LRP1B: variants seen among roughly 807,000 people sequenced by gnomAD.
LRP1B encodes low-density lipoprotein receptor-related protein 1B.
In LRP1B, 217 loss-of-function variants were observed where a neutral mutation model predicts 556.6. The ratio of observed to expected loss-of-function variants is 0.39; its 90% confidence interval spans 0.35 to 0.44. The LOEUF (loss-of-function observed/expected upper bound fraction) is 0.44, where lower values mean the gene tolerates loss of function less well. Among genes scored for constraint, LRP1B ranks in the 20% least tolerant of loss-of-function variants. The probability of loss-of-function intolerance (pLI) is 1.00; values close to 1 mark genes in which losing one functional copy is unlikely to be tolerated. For synonymous variants in LRP1B, 2,047 were observed against 1,865.8 expected (o/e 1.10, Z -2.50); for missense variants, 5,053 against 5,620.8 (o/e 0.90, Z 3.23).
chr2:141,420,709 G>A (rs1680103587), intron 3 of LRP1B, among the ~76,000 whole-genome samples: 1 of 152,150 alleles, frequency 6.6e-6, no homozygotes, highest in Admixed American at 6.5e-5. Flanking sequence ...CCTTCTAAAG[G>A]AGAATTCTCA....
chr2:141,757,821 G>GCCACTA (rs1225855718), intron 2 of LRP1B, among the ~76,000 whole-genome samples: 1 of 152,144 alleles, frequency 6.6e-6, no homozygotes, highest in African/African-American at 2.4e-5. Context: ...ACTGGTGTGA[G>GCCACTA]CCACTACACC....
At chr2:140,755,463 A>C (rs536414970) in intron 35 of LRP1B, among the ~76,000 whole-genome samples, 1 of 152,036 alleles carries the variant, frequency 6.6e-6, no homozygotes, top group Non-Finnish European at 1.5e-5. Context: ...CAGAAGTATC[A>C]CCATGACCAG....
chr2:140,574,954 TAAATA>T (rs1184732012), intron 43 of LRP1B, among the ~76,000 whole-genome samples: 1 of 152,226 alleles, frequency 6.6e-6, no homozygotes, highest in East Asian at 1.9e-4. Context: ...CCCTTGCACA[TAAATA>T]AAATAGAAGC....
At chr2:140,958,433 A>C (rs1182799474) in intron 18 of LRP1B, among the ~76,000 whole-genome samples, 1 of 151,712 alleles carries the variant, frequency 6.6e-6, no homozygotes, top group Non-Finnish European at 1.5e-5. Flanking sequence ...CGCATGAACA[A>C]GTTAAATTAC....
intron 54 of LRP1B, among the ~76,000 whole-genome samples, chr2:140,502,473 G>T (rs1174297494): frequency 6.6e-6 from 1 of 151,836 alleles, no homozygotes; most frequent in African/African-American, 2.4e-5. Flanking sequence ...AATTATTTGA[G>T]TATATTCTGT....
chr2:141,311,539 C>T (rs1208774396), intron 3 of LRP1B, among the ~76,000 whole-genome samples: 2 of 152,078 alleles, frequency 1.3e-5, no homozygotes, highest in Non-Finnish European at 2.9e-5. Context: ...TAATCATATG[C>T]AATTAGACCT....
intron 2 of LRP1B, among the ~76,000 whole-genome samples, chr2:141,613,262 A>G (rs533547480): frequency 6.6e-6 from 1 of 152,162 alleles, no homozygotes; most frequent in African/African-American, 2.4e-5. Flanking sequence ...GGAGCACACT[A>G]TAGCTGTTTT....
intron 7 of LRP1B, among the ~76,000 whole-genome samples, chr2:141,164,409 A>G (rs961178396): frequency 6.6e-6 from 1 of 152,094 alleles, no homozygotes; most frequent in Admixed American, 6.6e-5. Context: ...AAACTAGCAA[A>G]CATATGCATA....
intron 3 of LRP1B, among the ~76,000 whole-genome samples, chr2:141,344,577 C>T (rs1688179196): frequency 6.6e-6 from 1 of 152,032 alleles, no homozygotes; most frequent in African/African-American, 2.4e-5. Context: ...ATTCTTTATT[C>T]TTCTTTCTTC....
chr2:141,892,710 A>G (rs566778532), intron 1 of LRP1B, among the ~76,000 whole-genome samples: 1 of 152,296 alleles, frequency 6.6e-6, no homozygotes, highest in East Asian at 1.9e-4. Flanking sequence ...TGAGGAAAAA[A>G]GTAACTTGTA....
chr2:140,420,297 T>C (rs572017821), intron 66 of LRP1B, among the ~76,000 whole-genome samples: 1 of 152,292 alleles, frequency 6.6e-6, no homozygotes, highest in East Asian at 1.9e-4. Flanking sequence ...CACAAAATGC[T>C]GTAAAATATC....
At chr2:142,108,638 G>A (rs1559074972) in intron 1 of LRP1B, among the ~76,000 whole-genome samples, 2 of 152,144 alleles carry the variant, frequency 1.3e-5, no homozygotes, top group Non-Finnish European at 2.9e-5. Context: ...AGAACTAAAG[G>A]ATTAAATGAT....
At chr2:140,827,443 C>T (rs1691548122) in intron 31 of LRP1B, among the ~76,000 whole-genome samples, 1 of 151,740 alleles carries the variant, frequency 6.6e-6, no homozygotes, top group Non-Finnish European at 1.5e-5. Flanking sequence ...AAAAATCAAA[C>T]AGAAATCTTA....
chr2:141,649,531 T>C (rs577714219), intron 2 of LRP1B, among the ~76,000 whole-genome samples: 28 of 152,290 alleles, frequency 1.8e-4, no homozygotes, highest in Admixed American at 1.0e-3. Context: ...AGTTGAAAAA[T>C]GCTCAAGATG....
chr2:142,115,491 T>TA (rs1390915560), intron 1 of LRP1B, among the ~76,000 whole-genome samples: 1 of 84,768 alleles, frequency 1.2e-5, no homozygotes, highest in Non-Finnish European at 2.3e-5. Flanking sequence ...TAATATATAA[T>TA]TATATATAAT....
chr2:140,706,896 G>T (rs1686858556), intron 37 of LRP1B, among the ~76,000 whole-genome samples: 2 of 151,606 alleles, frequency 1.3e-5, no homozygotes, highest in South Asian at 4.2e-4. Flanking sequence ...TATTATAAAT[G>T]CCCATGAATA....
intron 1 of LRP1B, among the ~76,000 whole-genome samples, chr2:142,042,062 T>G (rs149802644): frequency 1.0e-3 from 157 of 151,536 alleles, no homozygotes; most frequent in Non-Finnish European, 1.8e-3. Context: ...TATTTATGCG[T>G]TTTTTTCTGT....
chr2:140,237,178 C>T (rs1420485142), intron 89 of LRP1B, among the ~76,000 whole-genome samples: 1 of 150,902 alleles, frequency 6.6e-6, no homozygotes, highest in Non-Finnish European at 1.5e-5. Flanking sequence ...TTCCTCCTCC[C>T]CTCTCCACCC....
chr2:140,340,143 A>T (rs1184922574), intron 77 of LRP1B, among the ~76,000 whole-genome samples: 2 of 151,336 alleles, frequency 1.3e-5, no homozygotes, highest in African/African-American at 4.8e-5. Context: ...GGTCCTCCAT[A>T]AAAAGAAAGA....
Sources: gnomAD v4.1 joint callset for allele counts (sites outside exome capture counted in the v4.1 genomes callset) on GRCh38, gnomAD v4.1.1 for gene constraint, MANE v1.5 for transcripts, NCBI Gene and HGNC (gene_info 2026-07-23, HGNC 2026-07-21) for gene names.